CERKL: variants seen among roughly 807,000 people sequenced by gnomAD.
The protein encoded by CERKL is CERK like autophagy regulator.
In CERKL, 61 loss-of-function variants were observed where a neutral mutation model predicts 63.4. The ratio of observed to expected loss-of-function variants is 0.96; its 90% CI spans 0.78 to 1.19. CERKL has a LOEUF of 1.19. Among genes scored for constraint, CERKL ranks in the 50% most tolerant of loss-of-function variants. CERKL has a pLI of 0.00. For synonymous variants in CERKL, 250 were observed against 230.5 expected, an observed-to-expected ratio of 1.08 and a Z score of -0.77; for missense variants, 675 against 655.5, an observed-to-expected ratio of 1.03 and a Z score of -0.33.
At chr2:181,586,361 G>A (rs1684767051) in intron 2 of CERKL, among the ~76,000 whole-genome samples, 2 of 152,020 alleles carry the variant, frequency 1.3e-5, no homozygotes, top group Non-Finnish European at 1.5e-5. Flanking sequence ...AGGTAGTCAT[G>A]ACCTTGCTCT....
At position 181,536,758 on chromosome 2, in the gene CERKL, CTTTA is replaced by C. The variant is rs1559061996; in HGVS notation, c.*1422_*1425del. The C allele has an allele frequency of 4.1e-6, 1 of 244,666 alleles. No homozygotes were observed. The highest frequency in any genetic ancestry group is 2.3e-5 in the African/African-American group (1 of 43,376). The allele number at this position is 244,666 out of a possible 1,614,324, so 15.2% of individuals were successfully genotyped here. On this transcript the variant is annotated 3_prime_UTR_variant, in exon 13 of 13. Coordinates refer to ENST00000410087, the MANE Select transcript of CERKL (RefSeq NM_201548.5). Reference sequence around the variant, plus strand: ...TGACTTTCTGGATTTTAAAAAATTTCTTTAAATACAATCATTTTTGTAATATTTA... The same window carrying C: ...TGACTTTCTGGATTTTAAAAAATTTCAATACAATCATTTTTGTAATATTTA...
intron 3 of CERKL, among the ~76,000 whole-genome samples, chr2:181,573,168 A>G (rs1688982111): frequency 6.6e-6 from 1 of 152,220 alleles, no homozygotes; most frequent in Non-Finnish European, 1.5e-5. Context: ...AAAAAAATCA[A>G]AAAGGATATT....
chr2:181,540,500 C>A (rs187034558), intron 11 of CERKL, among the ~76,000 whole-genome samples: 1 of 152,110 alleles, frequency 6.6e-6, no homozygotes, highest in East Asian at 1.9e-4. Flanking sequence ...GTCATTAGGG[C>A]GGGACCTAAT....
At chr2:181,633,401 G>T (rs1017342506) in intron 1 of CERKL, among the ~76,000 whole-genome samples, 2 of 152,278 alleles carry the variant, frequency 1.3e-5, no homozygotes, top group Admixed American at 6.5e-5. Context: ...AAAGTAAATT[G>T]TTCTAGTTAT....
At chr2:181,609,697 G>C (rs1314163492) in intron 1 of CERKL, among the ~76,000 whole-genome samples, 1 of 151,622 alleles carries the variant, frequency 6.6e-6, no homozygotes, top group Non-Finnish European at 1.5e-5. Context: ...CTGAAACTCT[G>C]TCTCTAAATA....
In CERKL at chr2:181,617,647, A is replaced by G. The variant is rs189660939; in HGVS notation, c.239-13568T>C. Among the ~76,000 whole-genome samples the G allele has an allele frequency of 6.6e-5, 10 of 152,306 alleles. No homozygotes were observed. The East Asian group carries it at 1.7e-3, about 26-fold the overall frequency. On this transcript the variant is annotated intron_variant, in intron 1 of 12. Coordinates refer to ENST00000410087, the MANE Select transcript of CERKL (RefSeq NM_201548.5). ...AATTATCAACATTTAGAAACTGTAT[A>G]ATAGTAAACCAAATTTTCCAAAAGG... is the stretch of plus-strand genomic sequence containing the variant.
Position 181,558,720 on chromosome 2 carries a change from C to G in CERKL, c.678-12G>C. The G allele has an allele frequency of 1.2e-6, 2 of 1,613,088 alleles. No homozygotes were observed. The highest frequency in any genetic ancestry group is 8.5e-7 in the Non-Finnish European group (1 of 1,179,528). On this transcript the variant is annotated splice_polypyrimidine_tract_variant and intron_variant, in intron 4 of 12. Transcript: ENST00000410087. The surrounding 1 kb of genome is among the most constrained non-coding windows in gnomAD (Gnocchi z 4.2). ...CAACACAGACAACACTAGAAAAATA[C>G]AAATCAAGCAAAGAAGGCAAAACTT...
At chr2:181,573,726 T>C (rs543664888) in intron 3 of CERKL, 27 bp downstream of exon 3, 6 of 1,604,764 alleles carry the variant, frequency 3.7e-6, no homozygotes, top group South Asian at 3.3e-5. Context: ...TTGTAGATGG[T>C]GAAATTATAT....
At chr2:181,645,318 A>G (rs1481130041) in intron 1 of CERKL, among the ~76,000 whole-genome samples, 1 of 152,230 alleles carries the variant, frequency 6.6e-6, no homozygotes, top group African/African-American at 2.4e-5. Flanking sequence ...AGGCCAGTAA[A>G]CCAGTAACAA....
At chr2:181,571,459 T>C (rs938999934) in intron 3 of CERKL, among the ~76,000 whole-genome samples, 3 of 152,196 alleles carry the variant, frequency 2.0e-5, no homozygotes, top group Admixed American at 2.0e-4. Context: ...TCCTCTGCCT[T>C]AGTTCAGGCC....
At position 181,537,425 on chromosome 2, in the gene CERKL, ACTTT is replaced by A. The variant is rs765329921; in HGVS notation, c.*755_*758del. The A allele has an allele frequency of 2.2e-6, 1 of 453,930 alleles. No individual in the cohort carries two copies. Among genetic ancestry groups the A allele is most frequent in the South Asian group, 1.6e-5 (1 of 64,438 alleles). 28.1% of individuals were successfully genotyped at this position (453,930 alleles called of 1,614,324 possible). A position where few individuals can be genotyped will look rare whatever the true frequency, so the allele number is the denominator to read the frequency against. ...TCAAAATAGTATTTGTTATCAACTT[ACTTT>A]GTTACTTGTATCATGAATTTTAAAA... On this transcript the variant is annotated 3_prime_UTR_variant, in exon 13 of 13. Coordinates refer to ENST00000410087, the MANE Select transcript of CERKL (RefSeq NM_201548.5).
At chr2:181,565,984 A>G in intron 4 of CERKL, 74 bp downstream of exon 4, 1 of 1,004,380 alleles carries the variant, frequency 1.0e-6, no homozygotes, top group Non-Finnish European at 1.6e-6. Flanking sequence ...TAGGTTCCAA[A>G]TATGTAGCTA....
At chr2:181,577,038 C>G (rs1684261692) in intron 2 of CERKL, among the ~76,000 whole-genome samples, 1 of 152,122 alleles carries the variant, frequency 6.6e-6, no homozygotes, top group South Asian at 2.1e-4. Flanking sequence ...CTCCAGCCCC[C>G]AGAATTTTGG....
chr2:181,653,558 A>G (rs1363083165), intron 1 of CERKL, among the ~76,000 whole-genome samples: 1 of 152,238 alleles, frequency 6.6e-6, no homozygotes, highest in Non-Finnish European at 1.5e-5. Flanking sequence ...AACATAATGG[A>G]ATACTAGTCA....
chr2:181,616,665 G>T (rs903131826), intron 1 of CERKL, among the ~76,000 whole-genome samples: 1 of 152,102 alleles, frequency 6.6e-6, no homozygotes, highest in African/African-American at 2.4e-5. Flanking sequence ...AAAAAGAACA[G>T]TATAATAGAA....
At chr2:181,603,745 C>A in intron 2 of CERKL, 92 bp downstream of exon 2, 1 of 1,272,424 alleles carries the variant, frequency 7.9e-7, no homozygotes, top group Non-Finnish European at 1.1e-6. Flanking sequence ...ATCTCAACAT[C>A]ACTAAAGTTG....
intron 2 of CERKL, among the ~76,000 whole-genome samples, chr2:181,582,717 G>C (rs1281289793): frequency 6.6e-6 from 1 of 151,630 alleles, no homozygotes; most frequent in Non-Finnish European, 1.5e-5. Context: ...GCTAATTTTT[G>C]TATTTTTAGT....
At chr2:181,568,696 T>A (rs961157788) in intron 3 of CERKL, among the ~76,000 whole-genome samples, 3 of 151,850 alleles carry the variant, frequency 2.0e-5, no homozygotes, top group East Asian at 1.9e-4. Context: ...AATTTTTTTT[T>A]ATTATACTTT....
At chr2:181,608,035 C>G (rs932273276) in intron 1 of CERKL, among the ~76,000 whole-genome samples, 3 of 151,972 alleles carry the variant, frequency 2.0e-5, no homozygotes, top group Non-Finnish European at 4.4e-5. Context: ...TTATGTTTGC[C>G]CAGTCTAGAA....
Sources: gnomAD v4.1 joint callset for allele counts (sites outside exome capture counted in the v4.1 genomes callset) on GRCh38, gnomAD v4.1.1 for gene constraint, Gnocchi (gnomAD v3.1) non-coding constraint, MANE v1.5 for transcripts, NCBI Gene and HGNC (gene_info 2026-07-23, HGNC 2026-07-21) for gene names.